NRCAM: variants seen among roughly 807,000 people sequenced by gnomAD.
NRCAM encodes NgCAM-related cell adhesion molecule.
In NRCAM, 83 loss-of-function variants were observed where a neutral mutation model predicts 156.5. The observed-to-expected ratio is 0.53, with a 90% confidence interval of 0.44 to 0.64. The LOEUF is 0.64. Among genes scored for constraint, NRCAM ranks in the 30% least tolerant of loss-of-function variants. The pLI is 0.00. For synonymous variants in NRCAM, 538 were observed against 563.9 expected (o/e 0.95, Z 0.65); for missense variants, 1,417 against 1,597.3 (o/e 0.89, Z 1.92).
In NRCAM at chr7:108,218,178, G is replaced by T. The variant is rs555013914; in HGVS notation, c.890+5547C>A. The stretch of plus-strand genomic sequence containing the variant: ...CCCTCACGGCTTCCCTTGGCTGGGG[G>T]GGGGGGGGAGTTCCCCGACCCCTTG... On this transcript the variant is annotated intron_variant, in intron 11 of 32. Transcript: ENST00000379028. Among the ~76,000 whole-genome samples the T allele has an allele frequency of 3.5e-3, 525 of 151,862 alleles. 8 individuals carry two copies. Among genetic ancestry groups the T allele is most frequent in the Non-Finnish European group, 1.6e-3 (109 of 67,930 alleles).
At chr7:108,214,186 T>C (rs2086438950) in intron 11 of NRCAM, among the ~76,000 whole-genome samples, 1 of 152,240 alleles carries the variant, frequency 6.6e-6, no homozygotes. Flanking sequence ...AGCTCCTTTT[T>C]GTACCTCTGG....
intron 2 of NRCAM, among the ~76,000 whole-genome samples, chr7:108,353,415 T>C (rs1364654074): frequency 6.6e-6 from 1 of 152,076 alleles, no homozygotes; most frequent in Non-Finnish European, 1.5e-5. Context: ...TGCAGTGGTG[T>C]GATTGTGATC....
At position 108,232,396 on chromosome 7, in the gene NRCAM, T is replaced by A. The variant is rs750137366; in HGVS notation, c.357A>T (p.Gly119=). The A allele has an allele frequency of 2.5e-6, 4 of 1,613,564 alleles. No individual in the cohort carries two copies. Among genetic ancestry groups the A allele is most frequent in the African/African-American group, 1.3e-5 (1 of 74,870 alleles). Residue 119 remains glycine, a synonymous_variant, in exon 7 of 33, where the codon GGA becomes GGT. Transcript: ENST00000379028. ...MSEGKAETYE[G]VYQCTARNER... The stretch of plus-strand genomic sequence containing the variant: ...CGTTCCTTGCTGTACACTGATAGAC[T>A]CCTTCATAGGTCTCAGCTTTCCCTT...
chr7:108,191,314 A>C, intron 18 of NRCAM, 31 bp from the exon 19 acceptor site: 1 of 1,538,964 alleles, frequency 6.5e-7, no homozygotes, highest in Non-Finnish European at 8.9e-7. Flanking sequence ...AAGGATTTTA[A>C]TCAAAATTAG....
chr7:108,332,141 C>A (rs1392175903), intron 2 of NRCAM, among the ~76,000 whole-genome samples: 1 of 152,194 alleles, frequency 6.6e-6, no homozygotes, highest in Non-Finnish European at 1.5e-5. Flanking sequence ...GAAAGTGCCA[C>A]AGGAGTCATC....
intron 3 of NRCAM, among the ~76,000 whole-genome samples, chr7:108,305,389 AT>A (rs2098700349): frequency 6.6e-6 from 1 of 152,150 alleles, no homozygotes; most frequent in East Asian, 1.9e-4. Flanking sequence ...GTCTAGTCAT[AT>A]TTGTCAAGAT....
chr7:108,327,979 T>C (rs899026548), intron 2 of NRCAM, among the ~76,000 whole-genome samples: 2 of 152,124 alleles, frequency 1.3e-5, no homozygotes, highest in African/African-American at 4.8e-5. Flanking sequence ...ATGAAAATGG[T>C]CTGTGAGACT....
At chr7:108,225,793 C>T in intron 9 of NRCAM, 92 bp from the exon 10 acceptor site, 2 of 806,840 alleles carry the variant, frequency 2.5e-6, no homozygotes, top group Non-Finnish European at 4.5e-6. Context: ...ATGCAGCTAT[C>T]CTGACCGAGT....
intron 1 of NRCAM, among the ~76,000 whole-genome samples, chr7:108,451,156 T>C (rs1027154680): frequency 4.6e-5 from 7 of 151,306 alleles, no homozygotes; most frequent in African/African-American, 1.7e-4. Flanking sequence ...GAGGCAGAGG[T>C]TGCAGTGAGC....
chr7:108,268,642 G>T (rs1266308676), intron 3 of NRCAM, among the ~76,000 whole-genome samples: 55 of 145,134 alleles, frequency 3.8e-4, no homozygotes, highest in African/African-American at 8.3e-4. Flanking sequence ...GGGTTGGGGG[G>T]GGCGGCGGTG....
Position 108,251,786 on chromosome 7 carries a change from T to C in NRCAM, c.-106-11616A>G, listed in dbSNP as rs192216131. Among the ~76,000 whole-genome samples the C allele has an allele frequency of 3.6e-3, 549 of 152,306 alleles. 1 individual carries two copies. The highest frequency in any genetic ancestry group is 4.2e-3 in the Non-Finnish European group (288 of 68,016). On this transcript the variant is annotated intron_variant, in intron 3 of 32. Coordinates refer to ENST00000379028, the MANE Select transcript of NRCAM (RefSeq NM_001037132.4). ...TCAGCTGAAGTTGAGCAGTGGTTTC[T>C]GGGTGCCATCACTTGCTGCACCTGT...
At chr7:108,249,511 T>C (rs1344857313) in intron 3 of NRCAM, among the ~76,000 whole-genome samples, 4 of 152,184 alleles carry the variant, frequency 2.6e-5, no homozygotes, top group Non-Finnish European at 2.9e-5. Context: ...TATCTGCCTT[T>C]ATAAAAAAAA....
chr7:108,386,976 C>T (rs764217759), intron 2 of NRCAM, among the ~76,000 whole-genome samples: 6 of 152,068 alleles, frequency 3.9e-5, no homozygotes, highest in Non-Finnish European at 7.4e-5. Context: ...GTTTTATTGT[C>T]AAAAGCAGAG....
At chr7:108,366,103 A>G (rs916525202) in intron 2 of NRCAM, among the ~76,000 whole-genome samples, 5 of 152,202 alleles carry the variant, frequency 3.3e-5, no homozygotes, top group African/African-American at 1.2e-4. Flanking sequence ...TCAAGGTGCC[A>G]TCTTGGAAGC....
At chr7:108,222,234 T>A (rs965081911) in intron 11 of NRCAM, among the ~76,000 whole-genome samples, 6 of 152,104 alleles carry the variant, frequency 3.9e-5, no homozygotes, top group Non-Finnish European at 8.8e-5. Flanking sequence ...GAAAAAGCCA[T>A]GAATTGTTTT....
intron 11 of NRCAM, among the ~76,000 whole-genome samples, chr7:108,218,877 T>C (rs2090937537): frequency 6.6e-6 from 1 of 151,706 alleles, no homozygotes; most frequent in African/African-American, 2.4e-5. Context: ...TAAATGAAAT[T>C]GAAACAAACA....
chr7:108,430,810 AT>A (rs551963091), intron 1 of NRCAM, among the ~76,000 whole-genome samples: 12 of 152,176 alleles, frequency 7.9e-5, no homozygotes, highest in African/African-American at 2.2e-4. Context: ...CTCTGTGGTG[AT>A]TTTAACAACT....
chr7:108,234,997 CA>C (rs1467144934), intron 5 of NRCAM, among the ~76,000 whole-genome samples: 2 of 152,204 alleles, frequency 1.3e-5, no homozygotes, highest in Non-Finnish European at 2.9e-5. Flanking sequence ...TCTGATGTAA[CA>C]ATGAGAAATT....
chr7:108,364,345 C>G (rs2099578544), intron 2 of NRCAM, among the ~76,000 whole-genome samples: 1 of 152,122 alleles, frequency 6.6e-6, no homozygotes, highest in Non-Finnish European at 1.5e-5. Context: ...AATAGAAAAG[C>G]TGACAATAGC....
Sources: gnomAD v4.1 joint callset for allele counts (sites outside exome capture counted in the v4.1 genomes callset) on GRCh38, gnomAD v4.1.1 for gene constraint, MANE v1.5 for transcripts, NCBI Gene and HGNC (gene_info 2026-07-23, HGNC 2026-07-21) for gene names.